The following DCLK2 variants were observed in gnomAD, a reference collection of about 807,000 sequenced individuals.
DCLK2 encodes doublecortin like kinase 2, also known as serine/threonine-protein kinase DCLK2.
Under a neutral mutation model 78.4 loss-of-function variants are expected in DCLK2, and 31 were observed. The observed-to-expected ratio is 0.40, with a 90% CI of 0.30 to 0.53. The LOEUF is 0.53. DCLK2 is among the 20% of genes least tolerant of loss of function. The probability of loss-of-function intolerance (pLI) is 0.61; values close to 1 mark genes in which losing one functional copy is unlikely to be tolerated. For synonymous variants in DCLK2, 407 were observed against 374.9 expected (o/e 1.09, Z -0.99); for missense variants, 872 against 973.7 (o/e 0.90, Z 1.39).
intron 1 of DCLK2, among the ~76,000 whole-genome samples, chr4:150,091,990 C>A (rs1374818954): frequency 2.0e-5 from 3 of 152,120 alleles, no homozygotes; most frequent in Non-Finnish European, 2.9e-5. Flanking sequence ...CACCCCCTGG[C>A]AAACACTATT....
chr4:150,093,798 T>C (rs1730267217), intron 1 of DCLK2, among the ~76,000 whole-genome samples: 1 of 152,230 alleles, frequency 6.6e-6, no homozygotes, highest in Non-Finnish European at 1.5e-5. Flanking sequence ...TTACATTTCC[T>C]GATTCCAAAA....
intron 8 of DCLK2, among the ~76,000 whole-genome samples, chr4:150,229,355 CT>C (rs1379804400): frequency 6.6e-6 from 1 of 152,056 alleles, no homozygotes; most frequent in Non-Finnish European, 1.5e-5. Flanking sequence ...GTGCAAATGC[CT>C]AGAAGTCTAG....
intron 1 of DCLK2, among the ~76,000 whole-genome samples, chr4:150,089,539 A>G (rs1374980361): frequency 1.3e-5 from 2 of 152,222 alleles, no homozygotes; most frequent in Non-Finnish European, 2.9e-5. Context: ...TTGTTTCTCA[A>G]ACTTTAACAA....
intron 2 of DCLK2, chr4:150,175,642 T>G (rs1245734075): frequency 6.6e-6 from 1 of 152,048 alleles, no homozygotes. Context: ...ACTTGGTGAG[T>G]CTTTGTCCCA....
Position 150,078,827 on chromosome 4 carries a change from G to A in DCLK2, c.-201G>A. The stretch of plus-strand genomic sequence containing the variant: ...TGGACAATGACCTGGGCAGCTCGGC[G>A]CTGCGGACACTTTTAGCTGAGGGCG... On this transcript the variant is annotated 5_prime_UTR_variant, in exon 1 of 16. Transcript: ENST00000296550. The A allele has an allele frequency of 1.7e-6, 1 of 579,586 alleles. No homozygotes were observed. The highest frequency in any genetic ancestry group is 2.8e-6 in the Non-Finnish European group (1 of 360,434). 35.9% of individuals were successfully genotyped at this position (579,586 alleles called of 1,614,324 possible). A position where few individuals can be genotyped will look rare whatever the true frequency, so the allele number is the denominator to read the frequency against.
At chr4:150,156,522 A>G (rs1165716562) in intron 2 of DCLK2, among the ~76,000 whole-genome samples, 1 of 151,150 alleles carries the variant, frequency 6.6e-6, no homozygotes, top group Non-Finnish European at 1.5e-5. Flanking sequence ...AAATAAATAA[A>G]TAGCCGGGCA....
intron 15 of DCLK2, among the ~76,000 whole-genome samples, chr4:150,253,088 ATCC>A (rs1744299232): frequency 6.8e-6 from 1 of 146,626 alleles, no homozygotes; most frequent in African/African-American, 2.5e-5. Context: ...CGTCCTCCTC[ATCC>A]TCCTCGTCCT....
intron 1 of DCLK2, 24 bp from the exon 2 acceptor site, chr4:150,102,454 A>G (rs1359260043): frequency 3.7e-6 from 6 of 1,601,206 alleles, no homozygotes; most frequent in Non-Finnish European, 5.1e-6. Flanking sequence ...AATCATGCTA[A>G]TAAAATCAAA....
intron 3 of DCLK2, among the ~76,000 whole-genome samples, chr4:150,197,398 T>G (rs1180121576): frequency 1.3e-5 from 2 of 152,200 alleles, no homozygotes; most frequent in African/African-American, 4.8e-5. Context: ...TGTATGAAGT[T>G]AGGACATTGG....
intron 4 of DCLK2, among the ~76,000 whole-genome samples, chr4:150,202,385 G>C (rs144885494): frequency 0.011 from 1,632 of 152,242 alleles, 31 homozygotes; most frequent in African/African-American, 0.037. Context: ...TGAGGGTTTT[G>C]AGTCAGAAAA....
chr4:150,173,423 G>T (rs1736700366), intron 2 of DCLK2, among the ~76,000 whole-genome samples: 1 of 152,160 alleles, frequency 6.6e-6, no homozygotes, highest in South Asian at 2.1e-4. Flanking sequence ...AAGACAAAGA[G>T]CAGACAGAAC....
rs1454035697 is a variant in DCLK2, at chr4:150,175,011, A to AAATATATATAT, written c.757-18126_757-18125insATATATATATA. 4.0e-4 allele frequency among the ~76,000 whole-genome samples: 4 copies of AAATATATATAT among 9,976 alleles called. 1 individual carries two copies. Among genetic ancestry groups the AAATATATATAT allele is most frequent in the African/African-American group, 1.1e-3 (4 of 3,794 alleles). 6.5% of individuals were successfully genotyped at this position (9,976 alleles called of 152,430 possible). A position where few individuals can be genotyped will look rare whatever the true frequency, so the allele number is the denominator to read the frequency against. On this transcript the variant is annotated intron_variant, in intron 2 of 15. Coordinates refer to ENST00000296550, the MANE Select transcript of DCLK2 (RefSeq NM_001040260.4). The stretch of plus-strand genomic sequence containing the variant: ...AGACTCCGTCGCAAAAAAAAAAAAA[A>AAATATATATAT]ATATATATATATATATATATATTTA...
intron 2 of DCLK2, among the ~76,000 whole-genome samples, chr4:150,183,358 T>C (rs1215036456): frequency 6.6e-6 from 1 of 152,198 alleles, no homozygotes; most frequent in Non-Finnish European, 1.5e-5. Flanking sequence ...TCTACCAAAT[T>C]GTTGCAGTAG....
intron 2 of DCLK2, among the ~76,000 whole-genome samples, chr4:150,111,577 C>T (rs113255593): frequency 0.38 from 57,209 of 151,498 alleles, 10,953 homozygotes; most frequent in Non-Finnish European, 0.42. Flanking sequence ...AAGAGCTTTT[C>T]CCTAGGTTTC....
chr4:150,200,192 C>T (rs2126433262), intron 4 of DCLK2, among the ~76,000 whole-genome samples: 1 of 152,300 alleles, frequency 6.6e-6, no homozygotes. Context: ...TAAATATATA[C>T]ATAACTCTTG....
intron 10 of DCLK2, among the ~76,000 whole-genome samples, chr4:150,239,425 C>A (rs1742740103): frequency 6.6e-6 from 1 of 151,966 alleles, no homozygotes; most frequent in African/African-American, 2.4e-5. Context: ...TAAGGAGACC[C>A]CGTCTCTACA....
chr4:150,114,810 C>T (rs576464671), intron 2 of DCLK2, among the ~76,000 whole-genome samples: 1 of 152,272 alleles, frequency 6.6e-6, no homozygotes, highest in African/African-American at 2.4e-5. Context: ...TGTCTCACTG[C>T]TCTTAGAATT....
intron 6 of DCLK2, 74 bp downstream of exon 6, chr4:150,220,852 T>C: frequency 4.2e-6 from 5 of 1,183,186 alleles, no homozygotes; most frequent in Non-Finnish European, 6.2e-6. Context: ...TAAAACTCAC[T>C]TGTGCTAAAT....
rs1179793293 is a variant in DCLK2, at chr4:150,249,662, C to A, written c.2051C>A (p.Thr684Asn). 1.2e-6 allele frequency: 2 copies of A among 1,613,590 alleles called. No individual in the cohort carries two copies. Among genetic ancestry groups the A allele is most frequent in the Admixed American group, 3.3e-5 (2 of 60,026 alleles). ...NNALPKQNST[T>N]TGVSVIMNTA... ...GCGCTCCCCAAACAGAACAGCACTA[C>A]CACCGGGGTCTCCGTCATCATGGTG... The change falls in exon 15 of 16, where the codon ACC becomes AAC. Residue 684 changes from threonine (T) to asparagine (N), a missense_variant. By Grantham distance (65) the Thr-to-Asn change is moderately conservative. Transcript: ENST00000296550.
Sources: gnomAD v4.1 joint callset for allele counts (sites outside exome capture counted in the v4.1 genomes callset) on GRCh38, gnomAD v4.1.1 for gene constraint, MANE v1.5 for transcripts, NCBI Gene and HGNC (gene_info 2026-07-23, HGNC 2026-07-21) for gene names.